LMNTD1: variants seen among roughly 807,000 people sequenced by gnomAD.
LMNTD1 encodes lamin tail domain containing 1.
Under a neutral mutation model 50.9 loss-of-function variants are expected in LMNTD1, and 35 were observed. The ratio of observed to expected loss-of-function variants is 0.69; its 90% CI spans 0.53 to 0.91. The LOEUF is 0.91. Among genes scored for constraint, LMNTD1 ranks in the 40% least tolerant of loss-of-function variants. LMNTD1 has a pLI of 0.00. For synonymous variants in LMNTD1, 153 were observed against 161.9 expected (o/e 0.94, Z 0.42); for missense variants, 470 against 475.5 (o/e 0.99, Z 0.11).
At chr12:25,529,609 C>T (rs1942080967) in intron 4 of LMNTD1, among the ~76,000 whole-genome samples, 1 of 152,120 alleles carries the variant, frequency 6.6e-6, no homozygotes, top group African/African-American at 2.4e-5. Flanking sequence ...GTCTTTTCTC[C>T]ATCCCTGACT....
intron 9 of LMNTD1, among the ~76,000 whole-genome samples, chr12:25,495,048 C>T (rs1939013921): frequency 6.6e-6 from 1 of 152,064 alleles, no homozygotes. Flanking sequence ...GTGCTAATGT[C>T]CCCTCTACTT....
chr12:25,603,918 A>G (rs1481235644), intron 1 of LMNTD1, among the ~76,000 whole-genome samples: 1 of 149,778 alleles, frequency 6.7e-6, no homozygotes, highest in East Asian at 2.1e-4. Flanking sequence ...TTGTAGATAT[A>G]AGAAATACCA....
intron 9 of LMNTD1, among the ~76,000 whole-genome samples, chr12:25,494,170 A>C (rs1938985113): frequency 6.6e-6 from 1 of 152,168 alleles, no homozygotes; most frequent in Non-Finnish European, 1.5e-5. Context: ...AACTCTATTC[A>C]TTGACTAATA....
At chr12:25,497,254 C>T (rs897667570) in intron 9 of LMNTD1, among the ~76,000 whole-genome samples, 2 of 152,068 alleles carry the variant, frequency 1.3e-5, no homozygotes. Context: ...GGTTCCTGCC[C>T]TTTGCAGCGA....
At chr12:25,506,364 C>T (rs1479445968) in intron 8 of LMNTD1, among the ~76,000 whole-genome samples, 1 of 152,150 alleles carries the variant, frequency 6.6e-6, no homozygotes, top group African/African-American at 2.4e-5. Context: ...ATGAATTCCA[C>T]TGCAGTATAT....
intron 8 of LMNTD1, 38 bp from the exon 9 acceptor site, chr12:25,503,838 G>C: frequency 8.0e-7 from 1 of 1,245,044 alleles, no homozygotes. Context: ...AAGGAGAGAG[G>C]CTAGGTAGGG....
intron 1 of LMNTD1, among the ~76,000 whole-genome samples, chr12:25,627,717 C>T (rs2136585252): frequency 6.6e-6 from 1 of 152,290 alleles, no homozygotes; most frequent in South Asian, 2.1e-4. Context: ...TTCCACAACA[C>T]ATGTGGTAAT....
At chr12:25,642,468 T>C (rs769298799) in intron 1 of LMNTD1, among the ~76,000 whole-genome samples, 3 of 152,126 alleles carry the variant, frequency 2.0e-5, no homozygotes, top group Admixed American at 1.3e-4. Context: ...CATGCTGCAC[T>C]CCGATCTTGG....
chr12:25,589,611 T>C (rs1349210382), intron 1 of LMNTD1, among the ~76,000 whole-genome samples: 1 of 152,250 alleles, frequency 6.6e-6, no homozygotes, highest in Admixed American at 6.5e-5. Flanking sequence ...TTTCTCAATA[T>C]GTTATCTATT....
chr12:25,577,802 A>G (rs1376104594), intron 1 of LMNTD1, among the ~76,000 whole-genome samples: 2 of 152,156 alleles, frequency 1.3e-5, no homozygotes, highest in Non-Finnish European at 2.9e-5. Context: ...CCCATTCAGT[A>G]TGATATTGCC....
chr12:25,476,738 G>GT (rs1281951896), intron 9 of LMNTD1, among the ~76,000 whole-genome samples: 1 of 152,218 alleles, frequency 6.6e-6, no homozygotes, highest in East Asian at 1.9e-4. Flanking sequence ...GACTTCTAGA[G>GT]TTTTTTTAAT....
At chr12:25,610,886 A>C (rs570884393) in intron 1 of LMNTD1, among the ~76,000 whole-genome samples, 1 of 152,334 alleles carries the variant, frequency 6.6e-6, no homozygotes, top group East Asian at 1.9e-4. Context: ...AAGAAATTTG[A>C]GAGGACAGCA....
At position 25,525,986 on chromosome 12, in the gene LMNTD1, A is replaced by T. The variant is rs1016077977; in HGVS notation, c.798+113T>A. 23 of 670,140 alleles carry T rather than the reference A, an allele frequency of 3.4e-5. No individual in the cohort carries two copies. In the African/African-American group the frequency reaches 4.0e-4, roughly 12 times the overall value. 41.5% of individuals were successfully genotyped at this position (670,140 alleles called of 1,614,324 possible). ...TTTAGGCATAAAGTCAATTTTACTG[A>T]CATTTATGCACTTAGACACATTGTA... On this transcript the variant is annotated intron_variant, in intron 6 of 9. Coordinates refer to ENST00000458174, the MANE Select transcript of LMNTD1 (RefSeq NM_001145728.2).
chr12:25,555,245 G>C (rs1039400502), upstream of LMNTD1, among the ~76,000 whole-genome samples: 3 of 152,086 alleles, frequency 2.0e-5, no homozygotes, highest in African/African-American at 4.8e-5. Context: ...AGAGTTATCA[G>C]TTTGGAAAAA....
chr12:25,511,508 A>T (rs751560704), intron 8 of LMNTD1, among the ~76,000 whole-genome samples: 7 of 152,210 alleles, frequency 4.6e-5, no homozygotes, highest in African/African-American at 1.2e-4. Flanking sequence ...GATTATAAGT[A>T]ATTAGCCTCA....
At chr12:25,549,169 A>G (rs556612751) in intron 3 of LMNTD1, among the ~76,000 whole-genome samples, 157 bp downstream of exon 3, 1 of 152,180 alleles carries the variant, frequency 6.6e-6, no homozygotes, top group South Asian at 2.1e-4. Flanking sequence ...AGGATCAGTG[A>G]TGACCATAGT....
intron 4 of LMNTD1, among the ~76,000 whole-genome samples, chr12:25,536,619 T>A (rs1256829706): frequency 6.6e-6 from 1 of 152,086 alleles, no homozygotes; most frequent in Non-Finnish European, 1.5e-5. Context: ...ACCAAATATC[T>A]GTAGTATCAA....
chr12:25,638,264 C>T (rs1392508931), intron 1 of LMNTD1, among the ~76,000 whole-genome samples: 1 of 152,042 alleles, frequency 6.6e-6, no homozygotes, highest in Non-Finnish European at 1.5e-5. Context: ...TGTTTTCCCT[C>T]TAAGATCAAG....
At chr12:25,625,609 G>A (rs1477379630) in intron 1 of LMNTD1, among the ~76,000 whole-genome samples, 1 of 152,038 alleles carries the variant, frequency 6.6e-6, no homozygotes, top group Non-Finnish European at 1.5e-5. Context: ...GTGCCTTCAG[G>A]TCCTGTGTAG....
Sources: gnomAD v4.1 joint callset for allele counts (sites outside exome capture counted in the v4.1 genomes callset) on GRCh38, gnomAD v4.1.1 for gene constraint, MANE v1.5 for transcripts, NCBI Gene and HGNC (gene_info 2026-07-23, HGNC 2026-07-21) for gene names.